CPEB3: variants seen among roughly 807,000 people sequenced by gnomAD.
CPEB3 encodes the protein cytoplasmic polyadenylation element-binding protein 3.
A neutral mutation model predicts 67.2 loss-of-function variants in CPEB3; 20 were observed. That is an observed-to-expected ratio of 0.30 (90% CI 0.21 to 0.43). The LOEUF (loss-of-function observed/expected upper bound fraction) is 0.43, where lower values mean the gene tolerates loss of function less well. Among genes scored for constraint, CPEB3 ranks in the 20% least tolerant of loss-of-function variants. CPEB3 has a pLI of 1.00. For missense variants in CPEB3, 746 were observed against 968.6 expected, an observed-to-expected ratio of 0.77 and a Z score of 3.05; for synonymous variants, 376 against 393.1, an observed-to-expected ratio of 0.96 and a Z score of 0.51.
intron 4 of CPEB3, among the ~76,000 whole-genome samples, chr10:92,160,431 T>C (rs1359605891): frequency 6.6e-6 from 1 of 152,128 alleles, no homozygotes; most frequent in Non-Finnish European, 1.5e-5. Context: ...CCAAATTTGC[T>C]TCATCCATAA....
intron 8 of CPEB3, among the ~76,000 whole-genome samples, chr10:92,085,316 C>T (rs1395680728): frequency 6.6e-6 from 1 of 152,150 alleles, no homozygotes; most frequent in Non-Finnish European, 1.5e-5. Flanking sequence ...GGTCTAATAG[C>T]TATGGTTCAA....
At chr10:92,143,457 AT>A (rs1262759450) in intron 5 of CPEB3, among the ~76,000 whole-genome samples, 3 of 152,190 alleles carry the variant, frequency 2.0e-5, no homozygotes, top group African/African-American at 7.2e-5. Context: ...ATGTTCTCTG[AT>A]TTTAGTAAGA....
chr10:92,073,980 G>C (rs1383156606), intron 9 of CPEB3, among the ~76,000 whole-genome samples: 1 of 152,160 alleles, frequency 6.6e-6, no homozygotes, highest in Non-Finnish European at 1.5e-5. Flanking sequence ...TCTTTAGAGT[G>C]TCCTTAACTA....
chr10:92,285,329 G>A (rs1842478685), intron 1 of CPEB3, among the ~76,000 whole-genome samples: 1 of 151,978 alleles, frequency 6.6e-6, no homozygotes, highest in Non-Finnish European at 1.5e-5. Context: ...GGAGTGTAGC[G>A]GCACAATCTC....
intron 1 of CPEB3, among the ~76,000 whole-genome samples, chr10:92,271,312 G>T (rs527678520): frequency 1.3e-5 from 2 of 152,058 alleles, no homozygotes; most frequent in African/African-American, 4.8e-5. Context: ...TATTATCATG[G>T]TATAATTATC....
chr10:92,133,445 T>TA (rs916102993), intron 6 of CPEB3, among the ~76,000 whole-genome samples: 2 of 152,110 alleles, frequency 1.3e-5, no homozygotes, highest in African/African-American at 4.8e-5. Flanking sequence ...CCTGGACACA[T>TA]ACACCCTCCC....
chr10:92,205,767 C>A (rs570743489), intron 2 of CPEB3, among the ~76,000 whole-genome samples: 12 of 152,062 alleles, frequency 7.9e-5, no homozygotes, highest in Admixed American at 7.2e-4. Context: ...TGAGCCACTG[C>A]GCCCAGCCTA....
rs1190316796 is a variant in CPEB3 at position 92,051,834 on chromosome 10, A to C, written c.*378T>G. The C allele has an allele frequency of 6.0e-6, 1 of 167,006 alleles. No individual in the cohort carries two copies. The highest frequency in any genetic ancestry group is 2.4e-5 in the African/African-American group (1 of 41,806). 10.3% of individuals were successfully genotyped at this position (167,006 alleles called of 1,614,324 possible). On this transcript the variant is annotated 3_prime_UTR_variant, in exon 10 of 10. Transcript: ENST00000265997. ...TGAAAATAAGTGCATGCTCCAGTTC[A>C]AAACAATCAGAACAACACCACAACA...
intron 4 of CPEB3, among the ~76,000 whole-genome samples, chr10:92,147,049 T>C (rs569769006): frequency 6.6e-6 from 1 of 152,290 alleles, no homozygotes; most frequent in African/African-American, 2.4e-5. Context: ...TAACATTAGA[T>C]ACTCAGAAAA....
chr10:92,094,753 T>C (rs1843778666), intron 7 of CPEB3, among the ~76,000 whole-genome samples: 1 of 151,962 alleles, frequency 6.6e-6, no homozygotes, highest in Admixed American at 6.6e-5. Context: ...CTTTTACTAA[T>C]TTTTTCATTT....
chr10:92,174,955 T>A (rs1173233142), intron 4 of CPEB3, among the ~76,000 whole-genome samples: 1 of 152,160 alleles, frequency 6.6e-6, no homozygotes, highest in Non-Finnish European at 1.5e-5. Context: ...AATACCCTAT[T>A]TGTACGTGTG....
At chr10:92,088,210 T>C (rs1442011159) in intron 8 of CPEB3, among the ~76,000 whole-genome samples, 1 of 151,410 alleles carries the variant, frequency 6.6e-6, no homozygotes, top group Non-Finnish European at 1.5e-5. Flanking sequence ...AGGACTGTGA[T>C]TTTTTTCCAA....
chr10:92,185,405 A>G (rs1053166946), intron 3 of CPEB3, among the ~76,000 whole-genome samples: 1 of 152,184 alleles, frequency 6.6e-6, no homozygotes, highest in Non-Finnish European at 1.5e-5. Context: ...ATAGGGTTAC[A>G]TATGGTTATT....
chr10:92,208,953 G>C (rs1384880692), intron 2 of CPEB3, among the ~76,000 whole-genome samples: 2 of 152,046 alleles, frequency 1.3e-5, no homozygotes, highest in African/African-American at 2.4e-5. Context: ...ATATGGCTCT[G>C]TCATTGCATT....
intron 9 of CPEB3, among the ~76,000 whole-genome samples, chr10:92,057,785 G>A (rs1655048425): frequency 6.6e-6 from 1 of 152,214 alleles, no homozygotes; most frequent in South Asian, 2.1e-4. Context: ...TAAGGGAAGA[G>A]AACAAGAATC....
chr10:92,110,896 T>A (rs551364628), intron 7 of CPEB3, among the ~76,000 whole-genome samples, 180 bp downstream of exon 7: 1 of 152,342 alleles, frequency 6.6e-6, no homozygotes, highest in Non-Finnish European at 1.5e-5. Context: ...ATAAAATGAA[T>A]ACTGAGTAAT....
intron 1 of CPEB3, among the ~76,000 whole-genome samples, chr10:92,259,076 C>T (rs1852672762): frequency 6.6e-6 from 1 of 151,826 alleles, no homozygotes; most frequent in South Asian, 2.1e-4. Flanking sequence ...AATTCTCCTG[C>T]CTCAGACTCC....
chr10:92,236,052 A>G (rs1211770274), intron 2 of CPEB3, among the ~76,000 whole-genome samples: 1 of 152,192 alleles, frequency 6.6e-6, no homozygotes, highest in Non-Finnish European at 1.5e-5. Flanking sequence ...CTTGACTTGT[A>G]GAAATATAGA....
intron 1 of CPEB3, among the ~76,000 whole-genome samples, chr10:92,276,778 C>G (rs77226957): frequency 0.015 from 2,212 of 152,284 alleles, 55 homozygotes; most frequent in African/African-American, 0.05. Flanking sequence ...TTTTCCAAAG[C>G]AACTGCACCA....
Sources: allele counts gnomAD v4.1 joint callset (sites outside exome capture counted in the v4.1 genomes callset), GRCh38; gene constraint gnomAD v4.1.1; transcripts MANE v1.5; gene names NCBI Gene and HGNC (gene_info 2026-07-23, HGNC 2026-07-21).